Variants in PARP14 observed in about 807,000 individuals in gnomAD.
PARP14 encodes poly(ADP-ribose) polymerase family member 14, also known as protein mono-ADP-ribosyltransferase PARP14.
In PARP14, 59 loss-of-function variants were observed where a neutral mutation model predicts 154.2. The observed-to-expected ratio is 0.38, with a 90% confidence interval of 0.31 to 0.48. The LOEUF (loss-of-function observed/expected upper bound fraction) is 0.48. Ranked by LOEUF, PARP14 falls within the 20% of genes least tolerant of loss-of-function variation. PARP14 has a pLI of 0.98. For synonymous variants in PARP14, 720 were observed against 780.5 expected (o/e 0.92, Z 1.29); for missense variants, 1,734 against 2,131.6 (o/e 0.81, Z 3.67).
intron 5 of PARP14, among the ~76,000 whole-genome samples, chr3:122,698,216 T>A (rs1938841656): frequency 6.6e-6 from 1 of 152,250 alleles, no homozygotes; most frequent in African/African-American, 2.4e-5. Flanking sequence ...TTTTCCCTCA[T>A]GCTTGATACC....
In PARP14 at chr3:122,700,853, C is replaced by T. The variant is rs370635884; in HGVS notation, c.2299C>T (p.Arg767Trp). 13 of 1,613,854 alleles carry T rather than the reference C, an allele frequency of 8.1e-6. No individual in the cohort carries two copies. Among genetic ancestry groups the T allele is most frequent in the East Asian group, 2.2e-5 (1 of 44,896 alleles). ...KARFYQSEIKRLFGCYIELQE... is the reference protein window; with the variant it reads ...KARFYQSEIKWLFGCYIELQE... ...ACGGTTTTATCAAAGTGAGATCAAA[C>T]GGTTGTTTGGTTGTTACATTGAACT... The change falls in exon 6 of 17, where the codon CGG becomes TGG. Residue 767 changes from arginine (R) to tryptophan (W), a missense_variant. Around this residue, in one of 2 missense-constraint regions of PARP14, gnomAD observed 1,646 missense variants for 1,976.0 expected, o/e 0.83. Coordinates refer to ENST00000474629, the MANE Select transcript of PARP14 (RefSeq NM_017554.3).
intron 15 of PARP14, among the ~76,000 whole-genome samples, chr3:122,725,343 C>T (rs183439644): frequency 6.7e-5 from 10 of 150,242 alleles, no homozygotes; most frequent in Admixed American, 3.3e-4. Context: ...GGGTGGCGGC[C>T]GGGCAGAGGT....
At chr3:122,683,691 C>A (rs989240666) in intron 1 of PARP14, among the ~76,000 whole-genome samples, 3 of 152,320 alleles carry the variant, frequency 2.0e-5, no homozygotes, top group African/African-American at 7.2e-5. Context: ...TTTTTCCTCC[C>A]AGATTGACTT....
In PARP14 at chr3:122,700,592, T is replaced by C; in HGVS notation, c.2038T>C (p.Ser680Pro). Residue 680 changes from serine (S) to proline (P), a missense_variant, in exon 6 of 17, where the codon TCC becomes CCC. By Grantham distance (74) the Ser-to-Pro change is moderately conservative. Transcript: ENST00000474629. Reference protein sequence around the residue: ...KIERLVEVKPSLVIDYLKTEK... With the variant: ...KIERLVEVKPPLVIDYLKTEK... ...AGAGAGACTGGTTGAAGTAAAGCCT[T>C]CCTTAGTTATTGACTATTTAAAGAC... 6.3e-7 allele frequency: 1 copy of C among 1,597,860 alleles called. No homozygotes were observed.
At chr3:122,695,981 T>G (rs1228209448) in intron 5 of PARP14, among the ~76,000 whole-genome samples, 1 of 152,234 alleles carries the variant, frequency 6.6e-6, no homozygotes, top group Non-Finnish European at 1.5e-5. Flanking sequence ...AGCCACACAC[T>G]TGATAGAAGC....
Position 122,727,070 on chromosome 3 carries a change from A to C in PARP14, c.4942-742A>C, listed in dbSNP as rs1933306777. 2.0e-5 allele frequency among the ~76,000 whole-genome samples: 3 copies of C among 151,518 alleles called. No homozygotes were observed. The South Asian group carries it at 6.3e-4, about 32-fold the overall frequency. ...CTGAGAGTTCTCCAAAACGGAAAACATTCTGACAACATGGACAACAGGGAA... is the reference window on the plus strand; with the variant it reads ...CTGAGAGTTCTCCAAAACGGAAAACCTTCTGACAACATGGACAACAGGGAA... On this transcript the variant is annotated intron_variant, in intron 15 of 16. Coordinates refer to ENST00000474629, the MANE Select transcript of PARP14 (RefSeq NM_017554.3).
Position 122,700,105 on chromosome 3 carries a change from G to A in PARP14, c.1551G>A (p.Val517=), listed in dbSNP as rs781178464. 1.9e-6 allele frequency: 3 copies of A among 1,613,704 alleles called. No individual in the cohort carries two copies. In the South Asian group the frequency reaches 3.3e-5, roughly 18 times the overall value. The change falls in exon 6 of 17, where the codon GTG becomes GTA. Residue 517 remains valine (V), a synonymous_variant. Transcript: ENST00000474629. ...HLCLKGPSAD[V]YKAKCEIQEK... ...GCTTGAAAGGACCTAGTGCAGATGT[G>A]TATAAAGCAAAGTGTGAAATCCAGG... is the stretch of plus-strand genomic sequence containing the variant.
intron 1 of PARP14, among the ~76,000 whole-genome samples, chr3:122,684,430 A>G (rs916410322): frequency 6.6e-6 from 1 of 152,212 alleles, no homozygotes; most frequent in Non-Finnish European, 1.5e-5. Context: ...AGGATGTTAC[A>G]GTGTGCATTC....
At chr3:122,709,120 G>A (rs1939244458) in intron 9 of PARP14, among the ~76,000 whole-genome samples, 2 of 151,988 alleles carry the variant, frequency 1.3e-5, no homozygotes, top group African/African-American at 4.8e-5. Flanking sequence ...AAATTCTTTA[G>A]TAGTGATTTC....
At chr3:122,728,276 G>A (rs1262737981) in intron 16 of PARP14, 32 bp from the exon 17 acceptor site, 1 of 1,582,536 alleles carries the variant, frequency 6.3e-7, no homozygotes, top group Admixed American at 1.7e-5. Context: ...ACATTAACTT[G>A]AAATGCTTAA....
chr3:122,701,575 C>G lies in PARP14; in HGVS notation c.3021C>G (p.Ser1007Arg). ...GPGKTSWEKG[S>R]LVSPGGLQML... ...GGAAAACATCATGGGAAAAAGGAAGCCTGGTGTCCCCGGGAGGCCTGCAGA... is the reference window on the plus strand; with the variant it reads ...GGAAAACATCATGGGAAAAAGGAAGGCTGGTGTCCCCGGGAGGCCTGCAGA... Residue 1007 changes from serine to arginine, a missense_variant, in exon 6 of 17, where the codon AGC (serine) becomes AGG (arginine). Around this residue, in one of 2 missense-constraint regions of PARP14, gnomAD observed 1,646 missense variants for 1,976.0 expected, o/e 0.83. Transcript: ENST00000474629. The surrounding 1 kb of genome is among the most constrained non-coding windows in gnomAD (Gnocchi z 4.0). 1 of 1,608,008 alleles carries G rather than the reference C, an allele frequency of 6.2e-7. No homozygotes were observed. The highest frequency in any genetic ancestry group is 1.1e-5 in the South Asian group (1 of 90,194).
intron 16 of PARP14, 47 bp downstream of exon 16, chr3:122,728,033 G>A (rs1933333813): frequency 6.5e-7 from 1 of 1,538,934 alleles, no homozygotes; most frequent in Admixed American, 1.9e-5. Context: ...CATCAGCCAT[G>A]AGAGCCCGAG....
rs191816869 is a variant in PARP14 at position 122,728,067 on chromosome 3, T to C, written c.5116+81T>C. On this transcript the variant is annotated intron_variant, in intron 16 of 16. Coordinates refer to ENST00000474629, the MANE Select transcript of PARP14 (RefSeq NM_017554.3). ...AGTTGGCTGGGACAGTGTGGATTCA[T>C]TGTGGTCCCCCATCATTGGTGGCCA... 4.4e-4 allele frequency: 567 copies of C among 1,287,706 alleles called. 2 individuals carry two copies. The African/African-American group carries it at 7.2e-3, about 16-fold the overall frequency. 79.8% of individuals were successfully genotyped at this position (1,287,706 alleles called of 1,614,324 possible).
At chr3:122,712,478 C>T (rs1292153180) in intron 9 of PARP14, among the ~76,000 whole-genome samples, 2 of 151,960 alleles carry the variant, frequency 1.3e-5, no homozygotes, top group African/African-American at 2.4e-5. Context: ...GAACTCCTGA[C>T]CTCAAGTGAT....
At chr3:122,698,412 A>G (rs1298607410) in intron 5 of PARP14, among the ~76,000 whole-genome samples, 1 of 152,228 alleles carries the variant, frequency 6.6e-6, no homozygotes, top group East Asian at 1.9e-4. Flanking sequence ...ACACACATGC[A>G]AACACACCCA....
chr3:122,728,714 T>C lies in PARP14; in HGVS notation c.*117T>C, dbSNP rs1576606015. 2.6e-6 allele frequency: 2 copies of C among 777,784 alleles called. No individual in the cohort carries two copies. Among genetic ancestry groups the C allele is most frequent in the East Asian group, 4.9e-5 (2 of 40,524 alleles). The allele number at this position is 777,784 out of a possible 1,614,324, so 48.2% of individuals were successfully genotyped here. A position where few individuals can be genotyped will look rare whatever the true frequency, so the allele number is the denominator to read the frequency against. ...AGATTTTTCTAATATCCAAGGATCA[T>C]TCTTTGTCGCTGAAGTCAGTCTTTC... On this transcript the variant is annotated 3_prime_UTR_variant, in exon 17 of 17. Transcript: ENST00000474629.
intron 15 of PARP14, among the ~76,000 whole-genome samples, chr3:122,725,130 A>T (rs1933255964): frequency 6.6e-6 from 1 of 151,846 alleles, no homozygotes; most frequent in Admixed American, 6.5e-5. Flanking sequence ...TGCCATCGTC[A>T]TCATGGCCCG....
Position 122,718,478 on chromosome 3 carries a change from A to G in PARP14, c.4327A>G (p.Ile1443Val). 2 of 1,614,020 alleles carry G rather than the reference A, an allele frequency of 1.2e-6. No homozygotes were observed. Among genetic ancestry groups the G allele is most frequent in the Non-Finnish European group, 8.5e-7 (1 of 1,179,876 alleles). Residue 1443 changes from isoleucine to valine, a missense_variant, in exon 14 of 17, where the codon ATC (isoleucine) becomes GTC (valine). By Grantham distance (29) the Ile-to-Val change is conservative (BLOSUM62 3). Coordinates refer to ENST00000474629, the MANE Select transcript of PARP14 (RefSeq NM_017554.3). ...AAATGTCACGTGTGTGGAATATGCT[A>G]TCTCCTGGCTACAAGACCTGATTGA... is the stretch of plus-strand genomic sequence containing the variant. ...GENVTCVEYAISWLQDLIEKE... is the reference protein window; with the variant it reads ...GENVTCVEYAVSWLQDLIEKE...
chr3:122,713,460 T>C lies in PARP14; in HGVS notation c.3656T>C (p.Val1219Ala), dbSNP rs776965254. The C allele has an allele frequency of 2.1e-5, 34 of 1,613,636 alleles. No individual in the cohort carries two copies. The highest frequency in any genetic ancestry group is 2.9e-5 in the Non-Finnish European group (34 of 1,179,620). Reference sequence around the variant, plus strand: ...ACTGTTTCTAGCCCTGATTCAGGTGTGTATGAAATGAAGATTGGCTCCATC... The same window carrying C: ...ACTGTTTCTAGCCCTGATTCAGGTGCGTATGAAATGAAGATTGGCTCCATC... The part of the protein sequence containing the change: ...YGTVSSPDSG[V>A]YEMKIGSIIF... The change falls in exon 10 of 17, where the codon GTG becomes GCG. Residue 1219 changes from valine (V) to alanine (A), a missense_variant. Val to Ala is a moderately conservative substitution (Grantham distance 64). Coordinates refer to ENST00000474629, the MANE Select transcript of PARP14 (RefSeq NM_017554.3).
Sources: gnomAD v4.1 joint callset for allele counts (sites outside exome capture counted in the v4.1 genomes callset) on GRCh38, gnomAD v4.1.1 for gene constraint, gnomAD v4.1.1 regional missense constraint, Gnocchi (gnomAD v3.1) non-coding constraint, MANE v1.5 for transcripts, NCBI Gene and HGNC (gene_info 2026-07-23, HGNC 2026-07-21) for gene names.